MAN2A1: variants seen among roughly 807,000 people sequenced by gnomAD.
MAN2A1 encodes the protein mannosidase alpha class 2A member 1.
In MAN2A1, 76 loss-of-function variants were observed where a neutral mutation model predicts 142.6. That is an observed-to-expected ratio of 0.53 (90% CI 0.44 to 0.65). The LOEUF is 0.65. MAN2A1 is among the 30% of genes least tolerant of loss of function. The pLI is 0.00. For synonymous variants in MAN2A1, 559 were observed against 473.2 expected (o/e 1.18, Z -2.35); for missense variants, 1,311 against 1,365.1 (o/e 0.96, Z 0.62).
At chr5:109,743,582 C>T (rs1378223216) in intron 4 of MAN2A1, among the ~76,000 whole-genome samples, 3 of 152,154 alleles carry the variant, frequency 2.0e-5, no homozygotes, top group African/African-American at 7.2e-5. Flanking sequence ...TGGTGCTCTG[C>T]CTTTCCACCT....
At chr5:109,755,280 A>G (rs1752658459) in intron 4 of MAN2A1, 49 bp from the exon 5 acceptor site, 2 of 1,449,484 alleles carry the variant, frequency 1.4e-6, no homozygotes. Context: ...TTTTCATTTG[A>G]ACTTTTCTTA....
intron 12 of MAN2A1, among the ~76,000 whole-genome samples, chr5:109,808,246 T>C (rs1754223687): frequency 2.0e-5 from 3 of 152,218 alleles, no homozygotes; most frequent in African/African-American, 4.8e-5. Flanking sequence ...TTGTTTGTTT[T>C]TGATGTTGTT....
At chr5:109,732,608 A>C (rs1307865077) in intron 4 of MAN2A1, among the ~76,000 whole-genome samples, 1 of 152,104 alleles carries the variant, frequency 6.6e-6, no homozygotes, top group Non-Finnish European at 1.5e-5. Context: ...AGCACCATTT[A>C]TTAAATAGGG....
chr5:109,855,093 G>A (rs751769447), intron 19 of MAN2A1, 47 bp from the exon 20 acceptor site: 1 of 1,014,102 alleles, frequency 9.9e-7, no homozygotes, highest in Non-Finnish European at 1.4e-6. Flanking sequence ...AATATGATGA[G>A]AACTGGAAAT....
chr5:109,864,215 C>G (rs1755824558), intron 20 of MAN2A1: 1 of 152,130 alleles, frequency 6.6e-6, no homozygotes. Context: ...CTTAATTTTT[C>G]CAGGGATTTT....
intron 1 of MAN2A1, among the ~76,000 whole-genome samples, chr5:109,712,363 C>T (rs1420577339): frequency 7.2e-5 from 11 of 152,082 alleles, no homozygotes; most frequent in Admixed American, 7.2e-4. Flanking sequence ...AATACCTTTC[C>T]TTACTTTATC....
rs548343396 is a variant in MAN2A1, at chr5:109,846,360, G to A, written c.2842+354G>A. Among the ~76,000 whole-genome samples the A allele has an allele frequency of 3.8e-3, 574 of 152,262 alleles. 1 individual carries two copies. Among genetic ancestry groups the A allele is most frequent in the Non-Finnish European group, 5.4e-3 (370 of 68,016 alleles). On this transcript the variant is annotated intron_variant, in intron 18 of 21. Coordinates refer to ENST00000261483, the MANE Select transcript of MAN2A1 (RefSeq NM_002372.4). ...TCAGAGGTTTAGATAAGTTGCCTAC[G>A]TTTGCAAAGTTGGGAAGTTGTGGTT...
chr5:109,739,598 A>G (rs139007386), intron 4 of MAN2A1, among the ~76,000 whole-genome samples: 216 of 152,284 alleles, frequency 1.4e-3, no homozygotes, highest in African/African-American at 5.0e-3. Context: ...GTTGTCCGTA[A>G]GTCCAAGTAT....
chr5:109,712,795 C>T (rs914993539), intron 1 of MAN2A1, among the ~76,000 whole-genome samples: 5 of 152,060 alleles, frequency 3.3e-5, no homozygotes, highest in South Asian at 2.1e-4. Flanking sequence ...TAAATGAGTA[C>T]CTTCTATGTA....
chr5:109,784,636 G>T (rs1753549186), intron 9 of MAN2A1, 108 bp from the exon 10 acceptor site: 1 of 746,010 alleles, frequency 1.3e-6, no homozygotes, highest in Non-Finnish European at 2.1e-6. Context: ...TAAATTGCTT[G>T]TACTGCAATT....
At chr5:109,807,425 G>T (rs188778326) in intron 12 of MAN2A1, among the ~76,000 whole-genome samples, 1 of 152,048 alleles carries the variant, frequency 6.6e-6, no homozygotes, top group Non-Finnish European at 1.5e-5. Context: ...TAGTTTTGGG[G>T]GTCAGAAGTT....
Position 109,716,277 on chromosome 5 carries a change from C to T in MAN2A1, c.535+13C>T. ...CATAACGACCCAGGTAAAATTTGCA[C>T]TTCAAAAAGACAGGAGGTTATTAAG... On this transcript the variant is annotated intron_variant, in intron 3 of 21. Transcript: ENST00000261483. 1 of 1,593,348 alleles carries T rather than the reference C, an allele frequency of 6.3e-7. No homozygotes were observed. Among genetic ancestry groups the T allele is most frequent in the Non-Finnish European group, 8.5e-7 (1 of 1,170,124 alleles).
At chr5:109,747,738 A>T (rs1752444492) in intron 4 of MAN2A1, among the ~76,000 whole-genome samples, 1 of 152,128 alleles carries the variant, frequency 6.6e-6, no homozygotes, top group Admixed American at 6.6e-5. Context: ...TGCTTTTTCT[A>T]TAGGGTATAC....
At chr5:109,809,022 A>G (rs1754249448) in intron 12 of MAN2A1, among the ~76,000 whole-genome samples, 1 of 152,054 alleles carries the variant, frequency 6.6e-6, no homozygotes, top group African/African-American at 2.4e-5. Context: ...TAAATTTCTA[A>G]AAGTAGGAAT....
intron 5 of MAN2A1, among the ~76,000 whole-genome samples, chr5:109,757,550 T>C (rs1047715932): frequency 6.6e-6 from 1 of 152,236 alleles, no homozygotes; most frequent in African/African-American, 2.4e-5. Flanking sequence ...TTGTGTCTTT[T>C]GCCCAGTGTA....
At chr5:109,866,071 C>T (rs1755872805) in intron 21 of MAN2A1, among the ~76,000 whole-genome samples, 3 of 152,290 alleles carry the variant, frequency 2.0e-5, no homozygotes, top group Admixed American at 1.3e-4. Flanking sequence ...AGCCCTGAAC[C>T]TACTTAGATA....
chr5:109,832,855 GGGCT>G (rs1754955794), intron 16 of MAN2A1, among the ~76,000 whole-genome samples: 1 of 148,516 alleles, frequency 6.7e-6, no homozygotes, highest in Non-Finnish European at 1.5e-5. Context: ...CCGGGCGGAG[GGGCT>G]CCTCACTTCC....
chr5:109,778,365 C>CT (rs1753352555), intron 8 of MAN2A1, among the ~76,000 whole-genome samples: 1 of 151,986 alleles, frequency 6.6e-6, no homozygotes, highest in South Asian at 2.1e-4. Context: ...CATCTACTTT[C>CT]TTACCATGTA....
intron 16 of MAN2A1, among the ~76,000 whole-genome samples, chr5:109,824,794 G>A (rs1373747984): frequency 6.6e-6 from 1 of 152,082 alleles, no homozygotes. Flanking sequence ...AATCACAGAA[G>A]TTCAATTTTC....
Sources: allele counts gnomAD v4.1 joint callset (sites outside exome capture counted in the v4.1 genomes callset), GRCh38; gene constraint gnomAD v4.1.1; transcripts MANE v1.5; gene names NCBI Gene and HGNC (gene_info 2026-07-23, HGNC 2026-07-21).